LRRTM3: variants seen among roughly 807,000 people sequenced by gnomAD.
The protein encoded by LRRTM3 is leucine rich repeat transmembrane neuronal 3, also known as leucine-rich repeat transmembrane neuronal protein 3.
LRRTM3 carries 24 observed loss-of-function variants against 44.7 expected under a neutral mutation model. That is an observed-to-expected ratio of 0.54 (90% CI 0.39 to 0.76). The LOEUF (loss-of-function observed/expected upper bound fraction) is 0.76, where lower values mean the gene tolerates loss of function less well. Among genes scored for constraint, LRRTM3 ranks in the 30% least tolerant of loss-of-function variants. The pLI is 0.00. For synonymous variants in LRRTM3, 277 were observed against 278.7 expected (o/e 0.99, Z 0.06); for missense variants, 587 against 702.2 (o/e 0.84, Z 1.85).
In LRRTM3 at chr10:66,926,310, G is replaced by T; in HGVS notation, c.-274G>T. 14 of 523,864 alleles carry T rather than the reference G, an allele frequency of 2.7e-5. No individual in the cohort carries two copies. The highest frequency in any genetic ancestry group is 1.0e-4 in the East Asian group (3 of 28,926). 32.5% of individuals were successfully genotyped at this position (523,864 alleles called of 1,614,324 possible). A position where few individuals can be genotyped will look rare whatever the true frequency, so the allele number is the denominator to read the frequency against. On this transcript the variant is annotated 5_prime_UTR_variant, in exon 1 of 3. It removes an upstream start codon present in the reference 5' UTR. Coordinates refer to ENST00000361320, the MANE Select transcript of LRRTM3 (RefSeq NM_178011.5). ...CCACCCCCCAAAAAACTGTAAAGAT[G>T]CAAAAACGTAATATCCATGAAGATC...
intron 2 of LRRTM3, among the ~76,000 whole-genome samples, chr10:67,046,071 A>T (rs1282589552): frequency 2.0e-5 from 3 of 151,658 alleles, no homozygotes; most frequent in African/African-American, 7.3e-5. Flanking sequence ...TGCCTTATGA[A>T]ATACAATAGC....
In LRRTM3 at chr10:66,926,306, A is replaced by T; in HGVS notation, c.-278A>T. ...CTCCCCACCCCCCAAAAAACTGTAA[A>T]GATGCAAAAACGTAATATCCATGAA... On this transcript the variant is annotated 5_prime_UTR_variant, in exon 1 of 3. It adds an upstream start codon to the 5' untranslated region. Coordinates refer to ENST00000361320, the MANE Select transcript of LRRTM3 (RefSeq NM_178011.5). The T allele has an allele frequency of 2.0e-6, 1 of 503,226 alleles. No homozygotes were observed. The highest frequency in any genetic ancestry group is 3.6e-6 in the Non-Finnish European group (1 of 275,704). The allele number at this position is 503,226 out of a possible 1,614,324, so 31.2% of individuals were successfully genotyped here.
intron 2 of LRRTM3, among the ~76,000 whole-genome samples, chr10:67,040,253 C>T (rs560943774): frequency 1.3e-5 from 2 of 152,148 alleles, no homozygotes; most frequent in South Asian, 2.1e-4. Context: ...ACATGTGATC[C>T]TAAGGGTTCC....
At chr10:67,029,698 T>C (rs980486909) in intron 2 of LRRTM3, among the ~76,000 whole-genome samples, 3 of 152,200 alleles carry the variant, frequency 2.0e-5, no homozygotes, top group Non-Finnish European at 4.4e-5. Flanking sequence ...TACTAAAGCG[T>C]AAAACAAAAG....
chr10:66,961,977 C>T lies in LRRTM3; in HGVS notation c.1536+33525C>T, dbSNP rs750891874. 5.9e-5 allele frequency among the ~76,000 whole-genome samples: 9 copies of T among 152,106 alleles called. No homozygotes were observed. In the East Asian group the frequency reaches 1.5e-3, roughly 26 times the overall value. ...TAAATTCTATGATTAGAAGACTCCA[C>T]GCTGTAAATGTAACTTAAGTCTCTC... On this transcript the variant is annotated intron_variant, in intron 2 of 2. Transcript: ENST00000361320.
intron 2 of LRRTM3, among the ~76,000 whole-genome samples, chr10:67,002,396 A>C (rs1397213263): frequency 6.6e-6 from 1 of 152,154 alleles, no homozygotes; most frequent in Non-Finnish European, 1.5e-5. Flanking sequence ...TTTCTGTAAA[A>C]GTGAGAAATG....
intron 2 of LRRTM3, among the ~76,000 whole-genome samples, chr10:67,050,223 A>C (rs901732023): frequency 1.3e-5 from 2 of 152,238 alleles, no homozygotes; most frequent in African/African-American, 4.8e-5. Context: ...AGAGGAAAGC[A>C]TTATTCCCAA....
intron 2 of LRRTM3, 36 bp downstream of exon 2, chr10:66,928,488 C>G (rs781635345): frequency 6.5e-7 from 1 of 1,539,410 alleles, no homozygotes; most frequent in Non-Finnish European, 8.7e-7. Flanking sequence ...CTCTTAAAAG[C>G]TGGGAAATAA....
At chr10:67,056,196 G>A (rs1459155948) in intron 2 of LRRTM3, among the ~76,000 whole-genome samples, 2 of 152,090 alleles carry the variant, frequency 1.3e-5, no homozygotes, top group Admixed American at 6.6e-5. Context: ...GATTAACTGA[G>A]CTTTAATAAA....
intron 2 of LRRTM3, among the ~76,000 whole-genome samples, chr10:67,006,408 T>C (rs1272804068): frequency 6.6e-6 from 1 of 152,172 alleles, no homozygotes. Context: ...TTTCTCCCTC[T>C]TTCTGTGCTA....
chr10:67,061,346 A>C (rs747948622), intron 2 of LRRTM3, among the ~76,000 whole-genome samples: 1 of 152,364 alleles, frequency 6.6e-6, no homozygotes, highest in Non-Finnish European at 1.5e-5. Context: ...ACATGATGAC[A>C]GCACTATTTA....
At position 66,928,169 on chromosome 10, in the gene LRRTM3, A is replaced by G. The variant is rs776770846; in HGVS notation, c.1253A>G (p.His418Arg). Residue 418 changes from histidine (H) to arginine (R), a missense_variant, in exon 2 of 3, where the codon CAT (histidine) becomes CGT (arginine). By Grantham distance (29) the His-to-Arg change is conservative. Around this residue, in one of 3 missense-constraint regions of LRRTM3, gnomAD observed 315 missense variants for 335.6 expected, o/e 0.94. Transcript: ENST00000361320. ...TDADAEHISF[H>R]KIIAGSVALF... ...GCTGACGCCGAGCACATCTCTTTCC[A>G]TAAAATCATCGCGGGCAGCGTGGCG... is the stretch of plus-strand genomic sequence containing the variant. The G allele has an allele frequency of 1.2e-6, 2 of 1,614,098 alleles. No homozygotes were observed. Among genetic ancestry groups the G allele is most frequent in the East Asian group, 2.2e-5 (1 of 44,864 alleles).
At chr10:66,985,182 G>A (rs1850660146) in intron 2 of LRRTM3, among the ~76,000 whole-genome samples, 1 of 152,054 alleles carries the variant, frequency 6.6e-6, no homozygotes, top group Admixed American at 6.6e-5. Context: ...ATCAGTCATG[G>A]GTGAGTAAAA....
At chr10:66,939,184 C>G (rs1847873589) in intron 2 of LRRTM3, among the ~76,000 whole-genome samples, 1 of 152,110 alleles carries the variant, frequency 6.6e-6, no homozygotes, top group African/African-American at 2.4e-5. Context: ...TTTTTACCTC[C>G]TAAAAGCTGA....
intron 2 of LRRTM3, among the ~76,000 whole-genome samples, chr10:66,932,419 A>G (rs1261579716): frequency 1.3e-5 from 2 of 152,190 alleles, no homozygotes; most frequent in Admixed American, 6.5e-5. Context: ...CATGGCAAGT[A>G]AGAATCGAGC....
In LRRTM3 at chr10:66,927,397, A is replaced by G; in HGVS notation, c.481A>G (p.Ser161Gly). The change falls in exon 2 of 3, where the codon AGT (serine) becomes GGT (glycine). Residue 161 changes from serine (S) to glycine (G), a missense_variant. Transcript: ENST00000361320. The surrounding 1 kb of genome is among the most constrained non-coding windows in gnomAD (Gnocchi z 4.7). Reference sequence around the variant, plus strand: ...GTTTCGGGGCTTGCGGAAGCTGCTGAGTTTACATTTACGGTCTAACTCCCT... The same window carrying G: ...GTTTCGGGGCTTGCGGAAGCTGCTGGGTTTACATTTACGGTCTAACTCCCT... The part of the protein sequence containing the change: ...EQFRGLRKLL[S>G]LHLRSNSLRT... 6.2e-7 allele frequency: 1 copy of G among 1,614,170 alleles called. No homozygotes were observed. Among genetic ancestry groups the G allele is most frequent in the Non-Finnish European group, 8.5e-7 (1 of 1,180,032 alleles).
chr10:66,969,409 C>T (rs1326179713), intron 2 of LRRTM3, among the ~76,000 whole-genome samples: 1 of 152,046 alleles, frequency 6.6e-6, no homozygotes, highest in Non-Finnish European at 1.5e-5. Context: ...AATTATTATG[C>T]TATTGATGCA....
intron 2 of LRRTM3, among the ~76,000 whole-genome samples, chr10:66,989,560 T>C (rs1236199477): frequency 1.3e-5 from 2 of 152,184 alleles, no homozygotes; most frequent in South Asian, 4.1e-4. Context: ...TGAACTCAAA[T>C]ATCCATGTTA....
chr10:67,096,358 G>A (rs1857993774), intron 2 of LRRTM3, among the ~76,000 whole-genome samples: 1 of 151,778 alleles, frequency 6.6e-6, no homozygotes, highest in Non-Finnish European at 1.5e-5. Flanking sequence ...GGGAAAGAAT[G>A]TAAAGATGCA....
Sources: allele counts gnomAD v4.1 joint callset (sites outside exome capture counted in the v4.1 genomes callset), GRCh38; gene constraint gnomAD v4.1.1; regional missense constraint gnomAD v4.1.1; non-coding constraint Gnocchi (gnomAD v3.1); transcripts MANE v1.5; gene names NCBI Gene and HGNC (gene_info 2026-07-23, HGNC 2026-07-21).